ITPRID1: variants seen among roughly 807,000 people sequenced by gnomAD.
The protein encoded by ITPRID1 is ITPR interacting domain containing 1.
Under a neutral mutation model 95.4 loss-of-function variants are expected in ITPRID1, and 96 were observed. The observed-to-expected ratio is 1.01, with a 90% CI of 0.85 to 1.19. The LOEUF is 1.19. Among genes scored for constraint, ITPRID1 ranks in the 50% most tolerant of loss-of-function variants. ITPRID1 has a pLI of 0.00. For synonymous variants in ITPRID1, 510 were observed against 453.6 expected (o/e 1.12, Z -1.58); for missense variants, 1,339 against 1,252.9 (o/e 1.07, Z -1.04).
At chr7:31,608,733 T>G (rs1374917892) in intron 10 of ITPRID1, among the ~76,000 whole-genome samples, 4 of 151,800 alleles carry the variant, frequency 2.6e-5, no homozygotes, top group Non-Finnish European at 5.9e-5. Context: ...GCTGAATTCA[T>G]TTATTAGTTC....
In ITPRID1 at chr7:31,652,735, G is replaced by C. The variant is rs1326618213; in HGVS notation, c.3041G>C (p.Arg1014Thr). The change falls in exon 15 of 15, where the codon AGG becomes ACG. Residue 1014 changes from arginine (R) to threonine (T), a missense_variant. Coordinates refer to ENST00000615280, the MANE Select transcript of ITPRID1 (RefSeq NM_001257967.3). ...FTPPTLENST[R>T]MSPSSSAWAK... Reference sequence around the variant, plus strand: ...CCACCCACCTTGGAGAACAGCACCAGGATGTCTCCTTCATCATCAGCTTGG... The same window carrying C: ...CCACCCACCTTGGAGAACAGCACCACGATGTCTCCTTCATCATCAGCTTGG... 4 of 1,613,924 alleles carry C rather than the reference G, an allele frequency of 2.5e-6. No individual in the cohort carries two copies. The highest frequency in any genetic ancestry group is 3.4e-6 in the Non-Finnish European group (4 of 1,179,878).
At chr7:31,627,713 C>T (rs1788605223) in intron 10 of ITPRID1, among the ~76,000 whole-genome samples, 1 of 140,412 alleles carries the variant, frequency 7.1e-6, no homozygotes, top group African/African-American at 2.6e-5. Context: ...ATGAAAGTGA[C>T]TAAACTTGAC....
chr7:31,644,053 G>A, intron 12 of ITPRID1, 100 bp downstream of exon 12: 1 of 1,106,106 alleles, frequency 9.0e-7, no homozygotes, highest in Non-Finnish European at 1.3e-6. Context: ...AGATCTCAGG[G>A]CAAACTTTTC....
intron 10 of ITPRID1, among the ~76,000 whole-genome samples, chr7:31,589,029 A>C (rs1785747484): frequency 1.3e-5 from 2 of 152,158 alleles, no homozygotes; most frequent in South Asian, 4.1e-4. Flanking sequence ...GAGAAAACCC[A>C]GATGTTCTAA....
intron 12 of ITPRID1, among the ~76,000 whole-genome samples, chr7:31,649,079 T>C (rs531841705): frequency 6.6e-6 from 1 of 152,338 alleles, no homozygotes; most frequent in East Asian, 1.9e-4. Flanking sequence ...GCAAGAGTAA[T>C]TGCAAAATTG....
At position 31,637,466 on chromosome 7, in the gene ITPRID1, T is replaced by C. The variant is rs1583686157; in HGVS notation, c.1229-4710T>C. ...AGATGGTATCTCATTGTGGTTTTGATTTGCATTTCTCTGATGGCCAGTGAT... is the reference window on the plus strand; with the variant it reads ...AGATGGTATCTCATTGTGGTTTTGACTTGCATTTCTCTGATGGCCAGTGAT... On this transcript the variant is annotated intron_variant, in intron 10 of 14. Transcript: ENST00000615280. 2.6e-5 allele frequency among the ~76,000 whole-genome samples: 4 copies of C among 152,340 alleles called. No homozygotes were observed. In the East Asian group the frequency reaches 5.8e-4, roughly 22 times the overall value.
intron 5 of ITPRID1, among the ~76,000 whole-genome samples, chr7:31,567,635 G>A (rs1049756210): frequency 2.7e-5 from 4 of 149,640 alleles, no homozygotes; most frequent in Non-Finnish European, 5.9e-5. Flanking sequence ...AGGCTTGAGC[G>A]CAGTGGCGCA....
At chr7:31,623,788 A>G (rs1583624450) in intron 10 of ITPRID1, among the ~76,000 whole-genome samples, 1 of 151,896 alleles carries the variant, frequency 6.6e-6, no homozygotes, top group African/African-American at 2.4e-5. Context: ...AGGCAGGAGA[A>G]GGAAATAAAG....
intron 5 of ITPRID1, among the ~76,000 whole-genome samples, chr7:31,568,268 T>A (rs940668546): frequency 2.6e-5 from 4 of 152,152 alleles, no homozygotes; most frequent in African/African-American, 9.7e-5. Context: ...TTATCTCCAC[T>A]CCCAAAATTT....
Position 31,573,503 on chromosome 7 carries a change from A to T in ITPRID1, c.396-1037A>T, listed in dbSNP as rs976322570. ...TTGTTGAATGTGTAAATGGCTAAGTAAATGAATTGTAGTTAATCCAATTTC... is the reference window on the plus strand; with the variant it reads ...TTGTTGAATGTGTAAATGGCTAAGTTAATGAATTGTAGTTAATCCAATTTC... On this transcript the variant is annotated intron_variant, in intron 7 of 14. Coordinates refer to ENST00000615280, the MANE Select transcript of ITPRID1 (RefSeq NM_001257967.3). 1.3e-4 allele frequency among the ~76,000 whole-genome samples: 20 copies of T among 152,312 alleles called. No homozygotes were observed. In the South Asian group the frequency reaches 4.1e-3, roughly 32 times the overall value.
At chr7:31,564,260 G>T (rs1420871508) in intron 5 of ITPRID1, among the ~76,000 whole-genome samples, 2 of 152,176 alleles carry the variant, frequency 1.3e-5, no homozygotes, top group East Asian at 3.9e-4. Flanking sequence ...GGGGAGGGTG[G>T]CTGGAGACTC....
chr7:31,593,012 ATT>A (rs1785932359), intron 10 of ITPRID1, among the ~76,000 whole-genome samples: 1 of 152,200 alleles, frequency 6.6e-6, no homozygotes, highest in Non-Finnish European at 1.5e-5. Context: ...TCATTTAAGA[ATT>A]AACAATCGCG....
At chr7:31,635,667 C>T (rs1376459498) in intron 10 of ITPRID1, among the ~76,000 whole-genome samples, 1 of 152,048 alleles carries the variant, frequency 6.6e-6, no homozygotes, top group Non-Finnish European at 1.5e-5. Context: ...AGGCCGTTCT[C>T]ATGCTGCTAT....
intron 1 of ITPRID1, among the ~76,000 whole-genome samples, chr7:31,514,951 A>C (rs1783000476): frequency 6.6e-6 from 1 of 151,974 alleles, no homozygotes; most frequent in Non-Finnish European, 1.5e-5. Context: ...AGTCATTCAC[A>C]GCTCCCTCTC....
chr7:31,556,665 A>T (rs995280003), intron 5 of ITPRID1, among the ~76,000 whole-genome samples: 8 of 152,134 alleles, frequency 5.3e-5, no homozygotes, highest in African/African-American at 1.9e-4. Context: ...TGACAGGGAG[A>T]AAAACTGTGG....
intron 1 of ITPRID1, among the ~76,000 whole-genome samples, chr7:31,523,157 A>G (rs1783320159): frequency 6.6e-6 from 1 of 152,228 alleles, no homozygotes; most frequent in African/African-American, 2.4e-5. Flanking sequence ...ACACAAATTT[A>G]TTCTTTAAGA....
At chr7:31,630,946 A>G (rs1788937513) in intron 10 of ITPRID1, among the ~76,000 whole-genome samples, 1 of 152,192 alleles carries the variant, frequency 6.6e-6, no homozygotes, top group Non-Finnish European at 1.5e-5. Flanking sequence ...TGAGAGGTAG[A>G]AACAGTCTTT....
At chr7:31,521,851 A>G (rs1422501524) in intron 1 of ITPRID1, among the ~76,000 whole-genome samples, 1 of 148,454 alleles carries the variant, frequency 6.7e-6, no homozygotes, top group African/African-American at 2.5e-5. Flanking sequence ...AGCCCCCACC[A>G]CTTACCCGAG....
intron 1 of ITPRID1, among the ~76,000 whole-genome samples, chr7:31,526,955 A>G (rs901055538): frequency 3.3e-5 from 5 of 152,150 alleles, no homozygotes; most frequent in Non-Finnish European, 7.4e-5. Flanking sequence ...CAAAGTTCAA[A>G]CCTCTTATTG....
Sources: allele counts gnomAD v4.1 joint callset (sites outside exome capture counted in the v4.1 genomes callset), GRCh38; gene constraint gnomAD v4.1.1; transcripts MANE v1.5; gene names NCBI Gene and HGNC (gene_info 2026-07-23, HGNC 2026-07-21).